Variants in SIPA1L2 observed in about 807,000 individuals in gnomAD.
SIPA1L2 encodes the protein signal-induced proliferation-associated 1-like protein 2.
In SIPA1L2, 56 loss-of-function variants were observed where a neutral mutation model predicts 163.9. The observed-to-expected ratio is 0.34, with a 90% CI of 0.28 to 0.43. The LOEUF (loss-of-function observed/expected upper bound fraction) is 0.43, where lower values mean the gene tolerates loss of function less well. SIPA1L2 is among the 20% of genes least tolerant of loss of function. SIPA1L2 has a pLI of 1.00. For synonymous variants in SIPA1L2, 877 were observed against 865.7 expected (o/e 1.01, Z -0.23); for missense variants, 1,974 against 2,193.5 (o/e 0.90, Z 2.00).
At chr1:232,441,994 C>CA in intron 12 of SIPA1L2, 126 bp from the exon 13 acceptor site, 2 of 706,570 alleles carry the variant, frequency 2.8e-6, no homozygotes, top group Non-Finnish European at 4.6e-6. Context: ...GGTTTTCTGG[C>CA]AAATGAAAAT....
intron 3 of SIPA1L2, among the ~76,000 whole-genome samples, chr1:232,495,647 T>C (rs1174519388): frequency 6.6e-6 from 1 of 152,136 alleles, no homozygotes; most frequent in Non-Finnish European, 1.5e-5. Flanking sequence ...CTAGCCTATT[T>C]GTTTTAGTGG....
intron 5 of SIPA1L2, among the ~76,000 whole-genome samples, chr1:232,485,871 C>A (rs1205043216): frequency 1.3e-5 from 2 of 152,184 alleles, no homozygotes; most frequent in Non-Finnish European, 2.9e-5. Flanking sequence ...AGTGCCTGTG[C>A]ATCTCAGTGT....
At chr1:232,455,398 T>C (rs1395618466) in intron 10 of SIPA1L2, among the ~76,000 whole-genome samples, 1 of 152,192 alleles carries the variant, frequency 6.6e-6, no homozygotes, top group Admixed American at 6.5e-5. Context: ...GAAAATGTGG[T>C]TGGCCGGGTG....
At chr1:232,415,794 C>T (rs1661216616) in intron 18 of SIPA1L2, 169 bp from the exon 19 acceptor site, 2 of 668,134 alleles carry the variant, frequency 3.0e-6, no homozygotes, top group Admixed American at 6.1e-5. Flanking sequence ...CTGTCCCTCC[C>T]AGAGTCAGTC....
chr1:232,402,304 C>T lies in SIPA1L2; in HGVS notation c.5022+88G>A. The T allele has an allele frequency of 2.5e-6, 3 of 1,217,618 alleles. No individual in the cohort carries two copies. The South Asian group carries it at 4.4e-5, about 18-fold the overall frequency. 75.4% of individuals were successfully genotyped at this position (1,217,618 alleles called of 1,614,324 possible). A position where few individuals can be genotyped will look rare whatever the true frequency, so the allele number is the denominator to read the frequency against. Reference sequence around the variant, plus strand: ...GTTTTTGTGTAAGGCAGTTTTCTTTCCTGAGTCTTTTCAATTTATCTGTAG... The same window carrying T: ...GTTTTTGTGTAAGGCAGTTTTCTTTTCTGAGTCTTTTCAATTTATCTGTAG... On this transcript the variant is annotated intron_variant, in intron 22 of 22. Transcript: ENST00000674635.
chr1:232,505,101 A>C (rs1666666273), intron 3 of SIPA1L2, among the ~76,000 whole-genome samples: 1 of 152,232 alleles, frequency 6.6e-6, no homozygotes, highest in South Asian at 2.1e-4. Flanking sequence ...TGAAGAAGGA[A>C]GGAAGGCAGA....
chr1:232,461,090 A>G lies in SIPA1L2; in HGVS notation c.2892T>C (p.His964=), dbSNP rs1427542462. The change falls in exon 10 of 23, where the codon CAT becomes CAC. Residue 964 remains histidine (H), a synonymous_variant. Coordinates refer to ENST00000674635, the MANE Select transcript of SIPA1L2 (RefSeq NM_020808.5). ...RRNGLGQLGF[H]VNFEGIVADV... ...CTGCGACAATTCCTTCAAAATTCAC[A>G]TGGAAGCCAAGCTGGCCCAGCCCGT... 2 of 1,614,256 alleles carry G rather than the reference A, an allele frequency of 1.2e-6. No homozygotes were observed. The highest frequency in any genetic ancestry group is 1.3e-5 in the African/African-American group (1 of 75,072).
chr1:232,467,376 G>T (rs1381142676), intron 8 of SIPA1L2, among the ~76,000 whole-genome samples: 1 of 152,138 alleles, frequency 6.6e-6, no homozygotes, highest in African/African-American at 2.4e-5. Flanking sequence ...CATCACAGAG[G>T]TTGACACTGC....
chr1:232,464,468 T>C lies in SIPA1L2; in HGVS notation c.2820+372A>G, dbSNP rs573259710. Among the ~76,000 whole-genome samples, 352 of 152,326 alleles carry C rather than the reference T, an allele frequency of 2.3e-3. 1 individual carries two copies. Among genetic ancestry groups the C allele is most frequent in the Non-Finnish European group, 4.1e-3 (281 of 68,026 alleles). Reference sequence around the variant, plus strand: ...AACTGCAGATAGGACTCGTCATTCATACAGTCAACAGCAATTCTGTTGTTA... The same window carrying C: ...AACTGCAGATAGGACTCGTCATTCACACAGTCAACAGCAATTCTGTTGTTA... On this transcript the variant is annotated intron_variant, in intron 9 of 22. Transcript: ENST00000674635.
intron 2 of SIPA1L2, among the ~76,000 whole-genome samples, chr1:232,557,962 T>A (rs949108720): frequency 2.0e-5 from 3 of 152,210 alleles, no homozygotes; most frequent in Non-Finnish European, 4.4e-5. Context: ...TTTATAAGGA[T>A]CATTATTCCA....
chr1:232,489,445 A>G (rs890416863), intron 5 of SIPA1L2, among the ~76,000 whole-genome samples: 2 of 151,392 alleles, frequency 1.3e-5, no homozygotes, highest in African/African-American at 4.9e-5. Flanking sequence ...TGGTAAACCT[A>G]TTCTGTGTAT....
Position 232,513,902 on chromosome 1 carries a change from T to C in SIPA1L2, c.1438A>G (p.Ile480Val). 1 of 1,606,314 alleles carries C rather than the reference T, an allele frequency of 6.2e-7. No individual in the cohort carries two copies. Among genetic ancestry groups the C allele is most frequent in the Non-Finnish European group, 8.5e-7 (1 of 1,177,620 alleles). The change falls in exon 3 of 23, where the codon ATT (isoleucine) becomes GTT (valine). Residue 480 changes from isoleucine to valine, a missense_variant. Around this residue, in one of 3 missense-constraint regions of SIPA1L2, gnomAD observed 607 missense variants for 624.0 expected, o/e 0.97. Transcript: ENST00000674635. ...EKVKRYIIEH[I>V]DLGAYYYRKF... is the part of the protein sequence containing the mutation. ...CGGTAATAATAGGCCCCAAGGTCAATGTGTTCTATGATGTAGCGCTTCACT... is the reference window on the plus strand; with the variant it reads ...CGGTAATAATAGGCCCCAAGGTCAACGTGTTCTATGATGTAGCGCTTCACT...
At chr1:232,419,857 C>T (rs1661466269) in intron 18 of SIPA1L2, among the ~76,000 whole-genome samples, 3 of 152,214 alleles carry the variant, frequency 2.0e-5, no homozygotes, top group Non-Finnish European at 4.4e-5. Flanking sequence ...CTACCCCCAT[C>T]ACCCAGATGA....
intron 19 of SIPA1L2, among the ~76,000 whole-genome samples, chr1:232,407,409 C>T (rs1325639477): frequency 6.6e-6 from 1 of 152,188 alleles, no homozygotes; most frequent in East Asian, 1.9e-4. Flanking sequence ...CAACTTTAAG[C>T]TGAAGCTTCA....
intron 22 of SIPA1L2, among the ~76,000 whole-genome samples, chr1:232,399,849 T>TC (rs1660225943): frequency 6.6e-6 from 1 of 151,522 alleles, no homozygotes; most frequent in African/African-American, 2.4e-5. Context: ...GCAGTTTCAG[T>TC]TCCCCCCCTG....
chr1:232,609,829 C>CAAAAAAAAAAAAAAAAAAAAAAA (rs71173228), intron 1 of SIPA1L2, among the ~76,000 whole-genome samples: 1 of 102,344 alleles, frequency 9.8e-6, no homozygotes, highest in South Asian at 3.1e-4. Context: ...GACTCCATCT[C>CAAAAAAAAAAAAAAAAAAAAAAA]AAAAAAAAAA....
intron 10 of SIPA1L2, among the ~76,000 whole-genome samples, chr1:232,446,326 G>A (rs1394264393): frequency 6.6e-6 from 1 of 152,132 alleles, no homozygotes; most frequent in East Asian, 1.9e-4. Flanking sequence ...CCAAGACTGG[G>A]CCTCTGGTCC....
chr1:232,462,548 G>A (rs779514014), intron 9 of SIPA1L2: 11 of 376,698 alleles, frequency 2.9e-5, no homozygotes, highest in Non-Finnish European at 4.3e-5. Context: ...GCAAAATGCG[G>A]AAAGGGGACT....
intron 19 of SIPA1L2, 100 bp from the exon 20 acceptor site, chr1:232,404,278 G>T: frequency 3.0e-6 from 3 of 987,042 alleles, no homozygotes; most frequent in Non-Finnish European, 1.6e-6. Context: ...TAGTGTGTGT[G>T]TGTGATGGAC....
Sources: gnomAD v4.1 joint callset for allele counts (sites outside exome capture counted in the v4.1 genomes callset) on GRCh38, gnomAD v4.1.1 for gene constraint, gnomAD v4.1.1 regional missense constraint, MANE v1.5 for transcripts, NCBI Gene and HGNC (gene_info 2026-07-23, HGNC 2026-07-21) for gene names.